The following RNF180 variants were observed in gnomAD, a reference collection of about 807,000 sequenced individuals.
The protein encoded by RNF180 is ring finger protein 180, also known as E3 ubiquitin-protein ligase RNF180.
Under a neutral mutation model 59.2 loss-of-function variants are expected in RNF180, and 38 were observed. That is an observed-to-expected ratio of 0.64 (90% CI 0.50 to 0.84). The LOEUF (loss-of-function observed/expected upper bound fraction) is 0.84, where lower values mean the gene tolerates loss of function less well. Among genes scored for constraint, RNF180 ranks in the 40% least tolerant of loss-of-function variants. The pLI, the probability that RNF180 is intolerant of heterozygous loss-of-function variation, is 0.00. For synonymous variants in RNF180, 262 were observed against 240.3 expected (o/e 1.09, Z -0.84); for missense variants, 705 against 700.9 (o/e 1.01, Z -0.07).
intron 5 of RNF180, among the ~76,000 whole-genome samples, chr5:64,234,892 C>G (rs1742340761): frequency 6.6e-6 from 1 of 152,028 alleles, no homozygotes; most frequent in Non-Finnish European, 1.5e-5. Context: ...AGCCACTGCG[C>G]CCAGCTACCC....
chr5:64,313,173 AG>A (rs1271630024), intron 5 of RNF180, among the ~76,000 whole-genome samples: 1 of 152,100 alleles, frequency 6.6e-6, no homozygotes, highest in Non-Finnish European at 1.5e-5. Context: ...TTTAACTTTT[AG>A]GTTCAGGGAT....
Position 64,202,125 on chromosome 5 carries a change from T to C in RNF180, c.135+1183T>C, listed in dbSNP as rs527370586. On this transcript the variant is annotated intron_variant, in intron 2 of 7. Transcript: ENST00000389100. ...CCCTGCCATGAATCAGATCAAGATA[T>C]GCATTTGCATCACCCCAGGAATTTT... Among the ~76,000 whole-genome samples the C allele has an allele frequency of 1.4e-3, 217 of 152,358 alleles. 1 individual carries two copies. The highest frequency in any genetic ancestry group is 2.2e-3 in the Non-Finnish European group (147 of 68,036).
At chr5:64,208,210 C>T (rs1752120738) in intron 2 of RNF180, among the ~76,000 whole-genome samples, 1 of 152,024 alleles carries the variant, frequency 6.6e-6, no homozygotes. Context: ...CATTTACAAA[C>T]ATAATGTTGT....
chr5:64,214,556 A>G lies in RNF180; in HGVS notation c.1191+39A>G, dbSNP rs139392926. On this transcript the variant is annotated intron_variant, in intron 4 of 7. Coordinates refer to ENST00000389100, the MANE Select transcript of RNF180 (RefSeq NM_001113561.2). ...AAAGAGTTTACTAAAAATCTGTATT[A>G]TAAATACTGGAGTTTGGGGAGTGGA... The G allele has an allele frequency of 1.8e-4, 278 of 1,565,680 alleles. 1 individual carries two copies. The African/African-American group carries it at 3.5e-3, about 20-fold the overall frequency.
chr5:64,214,220 C>A lies in RNF180; in HGVS notation c.894C>A (p.Ala298=), dbSNP rs1175629996. Residue 298 remains alanine, a synonymous_variant, in exon 4 of 8, where the codon GCC becomes GCA. Transcript: ENST00000389100. Reference sequence around the variant, plus strand: ...TGCTGCTGCAAAGATTTTCAGTGGCCCCCCATGAGACCCAGACACAAAGAG... The same window carrying A: ...TGCTGCTGCAAAGATTTTCAGTGGCACCCCATGAGACCCAGACACAAAGAG... ...PSMLLQRFSV[A]PHETQTQRGG... 6.2e-7 allele frequency: 1 copy of A among 1,613,894 alleles called. No individual in the cohort carries two copies. The highest frequency in any genetic ancestry group is 1.1e-5 in the South Asian group (1 of 91,076).
At position 64,323,286 on chromosome 5, in the gene RNF180, A is replaced by T. The variant is rs73105016; in HGVS notation, c.1228-1900A>T. 4.9e-3 allele frequency among the ~76,000 whole-genome samples: 749 copies of T among 152,302 alleles called. 9 individuals carry two copies. Among genetic ancestry groups the T allele is most frequent in the African/African-American group, 0.017 (701 of 41,546 alleles). ...CTGGGTGTGGTGTCTCACAGCCTGTAATCCCAGCACTTTGGGGGCCAAGGC... is the reference window on the plus strand; with the variant it reads ...CTGGGTGTGGTGTCTCACAGCCTGTTATCCCAGCACTTTGGGGGCCAAGGC... On this transcript the variant is annotated intron_variant, in intron 5 of 7. Coordinates refer to ENST00000389100, the MANE Select transcript of RNF180 (RefSeq NM_001113561.2).
chr5:64,196,772 G>A (rs1751476805), intron 1 of RNF180, among the ~76,000 whole-genome samples: 1 of 151,782 alleles, frequency 6.6e-6, no homozygotes, highest in African/African-American at 2.4e-5. Flanking sequence ...TACTCTTATA[G>A]AATTATTTTG....
intron 5 of RNF180, among the ~76,000 whole-genome samples, chr5:64,305,707 T>C: frequency 1.3e-5 from 2 of 151,728 alleles, no homozygotes; most frequent in Admixed American, 1.3e-4. Flanking sequence ...TACATGTTAA[T>C]GTAGTAACAT....
At chr5:64,367,834 C>T (rs1391307819) in intron 7 of RNF180, among the ~76,000 whole-genome samples, 1 of 151,488 alleles carries the variant, frequency 6.6e-6, no homozygotes, top group Non-Finnish European at 1.5e-5. Context: ...TTATGCTGTC[C>T]CTGTTCCCTA....
In RNF180 at chr5:64,213,876, C is replaced by T. The variant is rs570269220; in HGVS notation, c.550C>T (p.Leu184=). ...TGGAAGATTAACAGAAGCACTCTGC[C>T]TGGAGGTGCGACCAACATATTTTGA... is the stretch of plus-strand genomic sequence containing the variant. ...DPGRLTEALC[L]EVRPTYFEMK... The change falls in exon 4 of 8, where the codon CTG becomes TTG. Residue 184 remains leucine (L), a synonymous_variant. Transcript: ENST00000389100. 93 of 1,614,116 alleles carry T rather than the reference C, an allele frequency of 5.8e-5. No homozygotes were observed. The highest frequency in any genetic ancestry group is 2.2e-4 in the Admixed American group (13 of 59,966).
At chr5:64,196,839 ATTTCT>A (rs1269440172) in intron 1 of RNF180, among the ~76,000 whole-genome samples, 4 of 152,052 alleles carry the variant, frequency 2.6e-5, no homozygotes, top group Admixed American at 2.6e-4. Context: ...TATAAAGATT[ATTTCT>A]TAAAAGATTG....
At chr5:64,316,839 C>G (rs1744062206) in intron 5 of RNF180, among the ~76,000 whole-genome samples, 1 of 152,068 alleles carries the variant, frequency 6.6e-6, no homozygotes, top group Admixed American at 6.6e-5. Flanking sequence ...ATTAATTTTG[C>G]ACTGAAATAC....
chr5:64,347,577 A>G (rs997954804), intron 7 of RNF180, among the ~76,000 whole-genome samples: 2 of 152,134 alleles, frequency 1.3e-5, no homozygotes, highest in East Asian at 3.9e-4. Context: ...TCATTGTTGC[A>G]GTGCACATGA....
At position 64,275,470 on chromosome 5, in the gene RNF180, A is replaced by G. The variant is rs570194121; in HGVS notation, c.1228-49716A>G. On this transcript the variant is annotated intron_variant, in intron 5 of 7. Coordinates refer to ENST00000389100, the MANE Select transcript of RNF180 (RefSeq NM_001113561.2). ...AAATGATATAATGAAAAGAGAGGAA[A>G]GGAAATAATTTAAGAATGAATGACA... is the stretch of plus-strand genomic sequence containing the variant. Among the ~76,000 whole-genome samples the G allele has an allele frequency of 4.0e-5, 6 of 151,564 alleles. No individual in the cohort carries two copies. In the South Asian group the frequency reaches 8.3e-4, roughly 21 times the overall value.
At chr5:64,236,567 C>T (rs1742453357) in intron 5 of RNF180, among the ~76,000 whole-genome samples, 1 of 152,122 alleles carries the variant, frequency 6.6e-6, no homozygotes, top group South Asian at 2.1e-4. Context: ...AAGCCCACTG[C>T]AGAAATTTGC....
chr5:64,280,521 A>G (rs1741955348), intron 5 of RNF180, among the ~76,000 whole-genome samples: 1 of 151,746 alleles, frequency 6.6e-6, no homozygotes, highest in Admixed American at 6.6e-5. Context: ...ATCTTCTGCT[A>G]TGGCTATCCA....
Position 64,213,732 on chromosome 5 carries a change from A to C in RNF180, c.406A>C (p.Lys136Gln), listed in dbSNP as rs766933387. 3 of 1,614,162 alleles carry C rather than the reference A, an allele frequency of 1.9e-6. No homozygotes were observed. Among genetic ancestry groups the C allele is most frequent in the Non-Finnish European group, 2.5e-6 (3 of 1,180,002 alleles). The change falls in exon 4 of 8, where the codon AAA becomes CAA. Residue 136 changes from lysine (K) to glutamine (Q), a missense_variant. By Grantham distance (53) the Lys-to-Gln change is moderately conservative. Transcript: ENST00000389100. ...QAGRLMRPSV[K>Q]YLSHPRVQSG... Reference sequence around the variant, plus strand: ...AGGCAGACTAATGAGACCATCAGTGAAATACTTGTCACATCCTAGAGTTCA... The same window carrying C: ...AGGCAGACTAATGAGACCATCAGTGCAATACTTGTCACATCCTAGAGTTCA...
chr5:64,325,999 T>C (rs1186361097), intron 6 of RNF180, among the ~76,000 whole-genome samples: 1 of 152,138 alleles, frequency 6.6e-6, no homozygotes, highest in Non-Finnish European at 1.5e-5. Context: ...ATGTGGAACA[T>C]AGAGAATGAC....
rs113830416 is a variant in RNF180, at chr5:64,347,824, T to C, written c.1579+17418T>C. On this transcript the variant is annotated intron_variant, in intron 7 of 7. Transcript: ENST00000389100. ...TTAACAAAAGCAGCTTCAAATGTTA[T>C]TCACTCAAAAATAAAGTGTTGCAGA... 2.6e-5 allele frequency among the ~76,000 whole-genome samples: 4 copies of C among 152,252 alleles called. 1 individual carries two copies. The highest frequency in any genetic ancestry group is 9.6e-5 in the African/African-American group (4 of 41,562).
Sources: gnomAD v4.1 joint callset for allele counts (sites outside exome capture counted in the v4.1 genomes callset) on GRCh38, gnomAD v4.1.1 for gene constraint, MANE v1.5 for transcripts, NCBI Gene and HGNC (gene_info 2026-07-23, HGNC 2026-07-21) for gene names.